Variants in KCNH7 observed in about 807,000 individuals in gnomAD.
The protein encoded by KCNH7 is potassium voltage-gated channel subfamily H member 7.
In KCNH7, 49 loss-of-function variants were observed where a neutral mutation model predicts 120.8. The observed-to-expected ratio is 0.41, with a 90% CI of 0.32 to 0.51. The LOEUF (loss-of-function observed/expected upper bound fraction) is 0.51. Among genes scored for constraint, KCNH7 ranks in the 20% least tolerant of loss-of-function variants. The pLI is 0.38. For missense variants in KCNH7, 1,097 were observed against 1,446.6 expected (o/e 0.76, Z 3.92); for synonymous variants, 547 against 516.1 (o/e 1.06, Z -0.81).
At chr2:162,710,351 A>G (rs1350655464) in intron 2 of KCNH7, among the ~76,000 whole-genome samples, 4 of 152,166 alleles carry the variant, frequency 2.6e-5, no homozygotes, top group African/African-American at 9.6e-5. Flanking sequence ...TTATTTTTAG[A>G]ATTTTTTTTA....
intron 6 of KCNH7, among the ~76,000 whole-genome samples, chr2:162,489,026 T>A (rs1690200323): frequency 6.6e-6 from 1 of 152,208 alleles, no homozygotes; most frequent in South Asian, 2.1e-4. Context: ...CCTAGCTAAT[T>A]CGGTATTTTA....
chr2:162,390,108 A>C (rs920085083), intron 12 of KCNH7, among the ~76,000 whole-genome samples: 4 of 151,880 alleles, frequency 2.6e-5, no homozygotes, highest in Admixed American at 6.6e-5. Flanking sequence ...TCATCCCCTA[A>C]TTAGCTATTA....
intron 2 of KCNH7, among the ~76,000 whole-genome samples, chr2:162,546,766 G>T (rs1692494794): frequency 6.6e-6 from 1 of 151,958 alleles, no homozygotes; most frequent in Admixed American, 6.6e-5. Context: ...AATTTAACAA[G>T]AATGGGTTAG....
chr2:162,714,761 T>G (rs764675076), intron 2 of KCNH7, among the ~76,000 whole-genome samples: 4 of 152,206 alleles, frequency 2.6e-5, no homozygotes, highest in Non-Finnish European at 5.9e-5. Flanking sequence ...TGAAACTTTA[T>G]GGACACTGAA....
chr2:162,826,931 A>G (rs958483372), intron 2 of KCNH7, among the ~76,000 whole-genome samples: 1 of 152,124 alleles, frequency 6.6e-6, no homozygotes, highest in East Asian at 1.9e-4. Context: ...ATGAGCTGAG[A>G]TTGAAGCCAT....
At chr2:162,404,465 G>A (rs1014155814) in intron 9 of KCNH7, among the ~76,000 whole-genome samples, 10 of 151,884 alleles carry the variant, frequency 6.6e-5, no homozygotes, top group African/African-American at 1.9e-4. Flanking sequence ...TGTCAGAGAC[G>A]AAGCCTGATG....
chr2:162,588,461 C>T (rs949074082), intron 2 of KCNH7, among the ~76,000 whole-genome samples: 1 of 152,004 alleles, frequency 6.6e-6, no homozygotes, highest in African/African-American at 2.4e-5. Context: ...CCCTCAAAAA[C>T]AAAACTTGGG....
At position 162,402,200 on chromosome 2, in the gene KCNH7, C is replaced by A. The variant is rs1687085435; in HGVS notation, c.2155-1759G>T. ...GCCTAGTCTGTGCCTGTTTCTGCCT[C>A]CAGGTCCTGGAGGCCCTTTCTACTC... is the stretch of plus-strand genomic sequence containing the variant. On this transcript the variant is annotated intron_variant, in intron 9 of 15. Transcript: ENST00000332142. Among the ~76,000 whole-genome samples the A allele has an allele frequency of 2.0e-5, 3 of 151,136 alleles. No homozygotes were observed. In the South Asian group the frequency reaches 6.3e-4, roughly 32 times the overall value.
rs115399619 is a variant in KCNH7, at chr2:162,577,737, C to T, written c.308-40657G>A. Among the ~76,000 whole-genome samples, 478 of 152,058 alleles carry T rather than the reference C, an allele frequency of 3.1e-3. 2 individuals are homozygous for T. Among genetic ancestry groups the T allele is most frequent in the Non-Finnish European group, 5.8e-3 (391 of 67,946 alleles). On this transcript the variant is annotated intron_variant, in intron 2 of 15. Transcript: ENST00000332142. ...GTACTTCACAAACTTCAAAAGACTA[C>T]GTCAACATAAAATCACTTCATTTAT...
chr2:162,613,399 C>T (rs1574170048), intron 2 of KCNH7, among the ~76,000 whole-genome samples: 1 of 151,952 alleles, frequency 6.6e-6, no homozygotes, highest in East Asian at 1.9e-4. Flanking sequence ...ATCAAAACAA[C>T]ACTAAGAATT....
At position 162,794,601 on chromosome 2, in the gene KCNH7, T is replaced by G. The variant is rs574479499; in HGVS notation, c.307+41936A>C. Among the ~76,000 whole-genome samples the G allele has an allele frequency of 1.2e-3, 176 of 152,206 alleles. 1 individual carries two copies. The highest frequency in any genetic ancestry group is 4.2e-3 in the African/African-American group (173 of 41,556). ...GTTTACTCTTTCTCTTTTTCTCTTATACATGTTCTTAAAGACACTTATACT... is the reference window on the plus strand; with the variant it reads ...GTTTACTCTTTCTCTTTTTCTCTTAGACATGTTCTTAAAGACACTTATACT... On this transcript the variant is annotated intron_variant, in intron 2 of 15. Transcript: ENST00000332142.
At chr2:162,741,130 G>A (rs1688110610) in intron 2 of KCNH7, among the ~76,000 whole-genome samples, 2 of 151,592 alleles carry the variant, frequency 1.3e-5, no homozygotes, top group African/African-American at 4.8e-5. Flanking sequence ...TTGGAGAGGG[G>A]TATTTAGTTT....
intron 2 of KCNH7, among the ~76,000 whole-genome samples, chr2:162,693,571 G>A (rs1172785319): frequency 6.6e-6 from 1 of 152,190 alleles, no homozygotes; most frequent in Admixed American, 6.6e-5. Context: ...CAATGAGTTA[G>A]GACGTTAGCA....
chr2:162,498,586 C>T, intron 6 of KCNH7, among the ~76,000 whole-genome samples: 1 of 151,914 alleles, frequency 6.6e-6, no homozygotes. Flanking sequence ...CTGTTTGATT[C>T]TCCTGCTTTA....
chr2:162,778,635 G>A (rs961224841), intron 2 of KCNH7, among the ~76,000 whole-genome samples: 2 of 140,156 alleles, frequency 1.4e-5, no homozygotes, highest in African/African-American at 5.9e-5. Flanking sequence ...TTCACTATAT[G>A]CAATAAATAT....
In KCNH7 at chr2:162,485,656, G is replaced by A. The variant is rs146772950; in HGVS notation, c.1128+18787C>T. ...ACGTAGTAAGAAAAAGAGAGGGAGAGAGAATGTATGAGAACTAATACAGCA... is the reference window on the plus strand; with the variant it reads ...ACGTAGTAAGAAAAAGAGAGGGAGAAAGAATGTATGAGAACTAATACAGCA... On this transcript the variant is annotated intron_variant, in intron 6 of 15. Transcript: ENST00000332142. Among the ~76,000 whole-genome samples, 17 of 152,296 alleles carry A rather than the reference G, an allele frequency of 1.1e-4. No homozygotes were observed. In the East Asian group the frequency reaches 3.1e-3, roughly 28 times the overall value.
chr2:162,465,040 A>G (rs1689264951), intron 6 of KCNH7, among the ~76,000 whole-genome samples: 2 of 152,278 alleles, frequency 1.3e-5, no homozygotes, highest in East Asian at 3.9e-4. Flanking sequence ...AAAACATCAG[A>G]AAGGGGAAAG....
intron 2 of KCNH7, among the ~76,000 whole-genome samples, chr2:162,777,892 A>G (rs1447314488): frequency 6.6e-6 from 1 of 152,184 alleles, no homozygotes; most frequent in Admixed American, 6.5e-5. Flanking sequence ...ATCACATTGA[A>G]TGTAATAAGT....
At position 162,838,556 on chromosome 2, in the gene KCNH7, T is replaced by C. The variant is rs1247004335; in HGVS notation, c.-38A>G. Reference sequence around the variant, plus strand: ...CTTCCGAGGAGCGCTCCCCCGGAGCTCTGGAGTTCTCCCGGGATCTCTCCT... The same window carrying C: ...CTTCCGAGGAGCGCTCCCCCGGAGCCCTGGAGTTCTCCCGGGATCTCTCCT... On this transcript the variant is annotated 5_prime_UTR_variant, in exon 1 of 16. Transcript: ENST00000332142. The C allele has an allele frequency of 1.3e-6, 2 of 1,541,454 alleles. No individual in the cohort carries two copies. Among genetic ancestry groups the C allele is most frequent in the Admixed American group, 1.7e-5 (1 of 59,578 alleles).
Sources: gnomAD v4.1 joint callset for allele counts (sites outside exome capture counted in the v4.1 genomes callset) on GRCh38, gnomAD v4.1.1 for gene constraint, MANE v1.5 for transcripts, NCBI Gene and HGNC (gene_info 2026-07-23, HGNC 2026-07-21) for gene names.